Variants in HCRTR2 observed in about 807,000 individuals in gnomAD.
HCRTR2 encodes the protein orexin receptor type 2.
HCRTR2 carries 22 observed loss-of-function variants against 49.0 expected under a neutral mutation model. That is an observed-to-expected ratio of 0.45 (90% confidence interval 0.32 to 0.64). The LOEUF is 0.64. HCRTR2 is among the 30% of genes least tolerant of loss of function. The probability of loss-of-function intolerance (pLI) is 0.04; values close to 1 mark genes in which losing one functional copy is unlikely to be tolerated. For missense variants in HCRTR2, 491 were observed against 559.4 expected (o/e 0.88, Z 1.23); for synonymous variants, 236 against 205.3 (o/e 1.15, Z -1.28).
chr6:55,283,425 CT>C (rs869236156), downstream of HCRTR2, among the ~76,000 whole-genome samples: 2,189 of 147,964 alleles, frequency 0.015, 53 homozygotes, highest in African/African-American at 0.048. Context: ...CGCAGTTGCA[CT>C]TTTTTTTTTT....
chr6:55,224,557 A>C (rs1215271220), intron 1 of HCRTR2, among the ~76,000 whole-genome samples: 3 of 151,736 alleles, frequency 2.0e-5, no homozygotes, highest in African/African-American at 7.3e-5. Context: ...CGGGAGGCGG[A>C]GCTTGCAGTG....
intron 1 of HCRTR2, among the ~76,000 whole-genome samples, chr6:55,114,715 A>G (rs890210825): frequency 1.3e-5 from 2 of 151,838 alleles, no homozygotes; most frequent in African/African-American, 4.8e-5. Flanking sequence ...TAAAGTGCTG[A>G]TGCTATAAGA....
intron 1 of HCRTR2, among the ~76,000 whole-genome samples, chr6:55,243,496 G>C (rs1025723762): frequency 6.6e-6 from 1 of 152,102 alleles, no homozygotes; most frequent in Non-Finnish European, 1.5e-5. Context: ...AGTTCTCTGT[G>C]AGCTCTCAGA....
chr6:55,251,686 G>C (rs1034134308), intron 2 of HCRTR2, among the ~76,000 whole-genome samples: 4 of 151,858 alleles, frequency 2.6e-5, no homozygotes, highest in Non-Finnish European at 5.9e-5. Flanking sequence ...CTGTGATTTG[G>C]CAAAATTTTC....
At chr6:55,165,687 T>C (rs1451370987) in intron 1 of HCRTR2, among the ~76,000 whole-genome samples, 1 of 147,680 alleles carries the variant, frequency 6.8e-6, no homozygotes, top group Non-Finnish European at 1.5e-5. Flanking sequence ...AAAGAAAACC[T>C]ACAAAATAGG....
chr6:55,126,925 T>C (rs994815506), intron 1 of HCRTR2, among the ~76,000 whole-genome samples: 4 of 152,022 alleles, frequency 2.6e-5, no homozygotes, highest in Non-Finnish European at 5.9e-5. Flanking sequence ...TCTACCAAGC[T>C]CAAGAGTCCC....
At chr6:55,121,401 A>G (rs1447212958) in intron 1 of HCRTR2, among the ~76,000 whole-genome samples, 1 of 152,192 alleles carries the variant, frequency 6.6e-6, no homozygotes, top group Non-Finnish European at 1.5e-5. Flanking sequence ...TTCTAGATAT[A>G]CAATCATGTC....
chr6:55,236,512 T>A (rs1332737551), intron 1 of HCRTR2, among the ~76,000 whole-genome samples: 1 of 152,112 alleles, frequency 6.6e-6, no homozygotes, highest in East Asian at 1.9e-4. Context: ...TTCATTATTT[T>A]ATTTATTTTT....
intron 4 of HCRTR2, among the ~76,000 whole-genome samples, chr6:55,269,325 G>A (rs974162801): frequency 1.3e-5 from 2 of 151,918 alleles, no homozygotes; most frequent in Non-Finnish European, 2.9e-5. Context: ...ATGTTGAACA[G>A]AACTGATTCT....
chr6:55,258,110 A>G (rs1766687441), intron 3 of HCRTR2, among the ~76,000 whole-genome samples: 1 of 152,110 alleles, frequency 6.6e-6, no homozygotes, highest in Non-Finnish European at 1.5e-5. Flanking sequence ...CAACTTTTTA[A>G]AAAACCATAG....
chr6:55,121,993 G>T (rs1402717900), intron 1 of HCRTR2, among the ~76,000 whole-genome samples: 1 of 152,116 alleles, frequency 6.6e-6, no homozygotes. Context: ...GAGTTAGGGA[G>T]GATTCCCTCT....
At chr6:55,146,600 T>A (rs1764583869) in intron 1 of HCRTR2, among the ~76,000 whole-genome samples, 1 of 151,778 alleles carries the variant, frequency 6.6e-6, no homozygotes, top group South Asian at 2.1e-4. Context: ...AAACAAGCTT[T>A]TTTTTTCTCC....
chr6:55,178,581 AC>A (rs1765079960), intron 1 of HCRTR2, among the ~76,000 whole-genome samples: 1 of 152,122 alleles, frequency 6.6e-6, no homozygotes, highest in Admixed American at 6.6e-5. Context: ...TCATGACTGA[AC>A]TTTTTGTGAT....
chr6:55,143,543 T>C (rs1488507587), intron 1 of HCRTR2, among the ~76,000 whole-genome samples: 4 of 152,254 alleles, frequency 2.6e-5, no homozygotes, highest in Non-Finnish European at 4.4e-5. Context: ...GTTTTTTGTC[T>C]TATTTGGAAT....
chr6:55,115,383 T>C (rs1764101588), intron 1 of HCRTR2, among the ~76,000 whole-genome samples: 1 of 151,652 alleles, frequency 6.6e-6, no homozygotes, highest in African/African-American at 2.4e-5. Context: ...GCTAAAGTAG[T>C]TGTATTAAAT....
At chr6:55,170,269 GTATT>G (rs1414969627), upstream of HCRTR2, among the ~76,000 whole-genome samples, 1 of 147,898 alleles carries the variant, frequency 6.8e-6, no homozygotes, top group Non-Finnish European at 1.5e-5. Context: ...TAAATATATT[GTATT>G]TATTTATACA....
intron 1 of HCRTR2, among the ~76,000 whole-genome samples, chr6:55,241,464 A>G (rs987287671): frequency 6.6e-6 from 1 of 152,058 alleles, no homozygotes; most frequent in Non-Finnish European, 1.5e-5. Context: ...GTTTCCTGAT[A>G]TATTTTTTAT....
At chr6:55,276,750 G>A (rs1562031161) in intron 4 of HCRTR2, among the ~76,000 whole-genome samples, 1 of 152,138 alleles carries the variant, frequency 6.6e-6, no homozygotes, top group Non-Finnish European at 1.5e-5. Context: ...TCCTCAATGG[G>A]TTTGTGTGCA....
intron 1 of HCRTR2, among the ~76,000 whole-genome samples, chr6:55,131,819 T>C (rs1043169768): frequency 2.4e-4 from 37 of 151,794 alleles, no homozygotes; most frequent in African/African-American, 8.7e-4. Context: ...GTCATGCCAA[T>C]ACTATGTGAA....
Sources: allele counts gnomAD v4.1 joint callset (sites outside exome capture counted in the v4.1 genomes callset), GRCh38; gene constraint gnomAD v4.1.1; transcripts MANE v1.5; gene names NCBI Gene and HGNC (gene_info 2026-07-23, HGNC 2026-07-21).